Variants in PARD3 observed in about 807,000 individuals in gnomAD.
PARD3 encodes the protein par-3 family cell polarity regulator, also known as partitioning defective 3 homolog.
A neutral mutation model predicts 155.4 loss-of-function variants in PARD3; 75 were observed. The observed-to-expected ratio is 0.48, with a 90% CI of 0.40 to 0.58. PARD3 has a LOEUF of 0.58. PARD3 is among the 20% of genes least tolerant of loss of function. PARD3 has a pLI of 0.00. For synonymous variants in PARD3, 576 were observed against 610.5 expected (o/e 0.94, Z 0.83); for missense variants, 1,642 against 1,721.7 (o/e 0.95, Z 0.82).
chr10:34,303,459 A>G (rs1957253920), intron 20 of PARD3, among the ~76,000 whole-genome samples: 1 of 132,746 alleles, frequency 7.5e-6, no homozygotes, highest in African/African-American at 3.0e-5. Context: ...ACTGAGCTTA[A>G]GACCTCCATT....
At chr10:34,186,357 TAA>T (rs61694192) in intron 22 of PARD3, among the ~76,000 whole-genome samples, 65 of 125,734 alleles carry the variant, frequency 5.2e-4, no homozygotes, top group Admixed American at 6.6e-4. Context: ...GAGACCCTCT[TAA>T]AAAAAAAAAA....
intron 2 of PARD3, among the ~76,000 whole-genome samples, chr10:34,538,622 C>T (rs906522538): frequency 6.6e-6 from 1 of 152,094 alleles, no homozygotes; most frequent in African/African-American, 2.4e-5. Context: ...GCACACCAAC[C>T]GAGGGAGTGA....
In PARD3 at chr10:34,784,853, T is replaced by C. The variant is rs78250576; in HGVS notation, c.120+30023A>G. Among the ~76,000 whole-genome samples, 93 of 152,318 alleles carry C rather than the reference T, an allele frequency of 6.1e-4. 2 individuals are homozygous for C. The East Asian group carries it at 0.017, about 28-fold the overall frequency. On this transcript the variant is annotated intron_variant, in intron 1 of 24. Transcript: ENST00000374788. The stretch of plus-strand genomic sequence containing the variant: ...TCACACTGTCAAGCGGAAACATCAC[T>C]GTTCATCAGCGCAAAACCTCCCTGC...
At chr10:34,236,368 C>T (rs142501684) in intron 22 of PARD3, among the ~76,000 whole-genome samples, 45 of 152,180 alleles carry the variant, frequency 3.0e-4, no homozygotes, top group African/African-American at 8.9e-4. Context: ...GCTGCCTGAC[C>T]GGGACTACTT....
intron 1 of PARD3, among the ~76,000 whole-genome samples, chr10:34,729,489 C>G (rs2094778343): frequency 6.6e-6 from 1 of 150,844 alleles, no homozygotes; most frequent in African/African-American, 2.4e-5. Flanking sequence ...CAACATCACA[C>G]CACTGCACTC....
At chr10:34,205,871 T>TC (rs1011060342) in intron 22 of PARD3, among the ~76,000 whole-genome samples, 1 of 152,024 alleles carries the variant, frequency 6.6e-6, no homozygotes, top group African/African-American at 2.4e-5. Flanking sequence ...CCGGATACAG[T>TC]CCCCCCATCC....
chr10:34,134,270 AT>A (rs2132803671), intron 22 of PARD3, among the ~76,000 whole-genome samples: 1 of 152,292 alleles, frequency 6.6e-6, no homozygotes, highest in African/African-American at 2.4e-5. Context: ...TCTCACTGTC[AT>A]TTTTCCACCT....
At chr10:34,563,532 AT>A (rs3041201) in intron 2 of PARD3, among the ~76,000 whole-genome samples, 56,053 of 144,148 alleles carry the variant, frequency 0.39, 11,383 homozygotes, top group African/African-American at 0.54. Context: ...ACGCCTGCTA[AT>A]TTTTTTTTTT....
rs562661133 is a variant in PARD3 at position 34,555,809 on chromosome 10, A to G, written c.223-38650T>C. Among the ~76,000 whole-genome samples the G allele has an allele frequency of 2.7e-4, 41 of 152,242 alleles. 1 individual carries two copies. The highest frequency in any genetic ancestry group is 9.4e-4 in the African/African-American group (39 of 41,546). ...AAAGGAGTGAGCCCTGGGGAGGCAG[A>G]GGTGTCCTGGATGACTCCACCCTAT... On this transcript the variant is annotated intron_variant, in intron 2 of 24. Coordinates refer to ENST00000374788, the MANE Select transcript of PARD3 (RefSeq NM_001184785.2).
chr10:34,166,756 C>A (rs1484945368), intron 22 of PARD3, among the ~76,000 whole-genome samples: 1 of 152,156 alleles, frequency 6.6e-6, no homozygotes, highest in African/African-American at 2.4e-5. Context: ...ACAACACACA[C>A]AATAGCCAAC....
chr10:34,232,229 T>A (rs944689914), intron 22 of PARD3, among the ~76,000 whole-genome samples: 3 of 152,106 alleles, frequency 2.0e-5, no homozygotes, highest in Non-Finnish European at 2.9e-5. Flanking sequence ...GGGGGACTGA[T>A]AAAACTCACA....
intron 3 of PARD3, among the ~76,000 whole-genome samples, chr10:34,482,608 G>A (rs2079156081): frequency 6.7e-6 from 1 of 150,264 alleles, no homozygotes; most frequent in African/African-American, 2.5e-5. Flanking sequence ...GAGAAGCCCA[G>A]ATGAAAATAA....
intron 1 of PARD3, among the ~76,000 whole-genome samples, chr10:34,715,732 G>A (rs958398298): frequency 2.6e-5 from 4 of 152,114 alleles, no homozygotes; most frequent in African/African-American, 7.2e-5. Context: ...AAATATTCAC[G>A]AAGCATCTAC....
At position 34,213,350 on chromosome 10, in the gene PARD3, G is replaced by T. The variant is rs57104923; in HGVS notation, c.3419+56307C>A. On this transcript the variant is annotated intron_variant, in intron 22 of 24. Transcript: ENST00000374788. Reference sequence around the variant, plus strand: ...CCAGAGCAAGAACTCACCCCTATGGGAGGGCATTAATCTATTCATGAGGAT... The same window carrying T: ...CCAGAGCAAGAACTCACCCCTATGGTAGGGCATTAATCTATTCATGAGGAT... 9.0e-3 allele frequency among the ~76,000 whole-genome samples: 1,366 copies of T among 152,240 alleles called. 22 individuals are homozygous for T. Among genetic ancestry groups the T allele is most frequent in the African/African-American group, 0.031 (1,290 of 41,544 alleles).
intron 20 of PARD3, among the ~76,000 whole-genome samples, chr10:34,289,150 T>C (rs1048277441): frequency 6.6e-6 from 1 of 152,012 alleles, no homozygotes; most frequent in Non-Finnish European, 1.5e-5. Context: ...TTTTTGTTGG[T>C]AGAGATGCGG....
intron 1 of PARD3, among the ~76,000 whole-genome samples, chr10:34,786,809 T>TA (rs1564619038): frequency 6.6e-6 from 1 of 152,184 alleles, no homozygotes; most frequent in Non-Finnish European, 1.5e-5. Context: ...ATCCTACATA[T>TA]ATTTCTTTTC....
chr10:34,490,867 G>A (rs144600623), intron 3 of PARD3, among the ~76,000 whole-genome samples: 300 of 152,244 alleles, frequency 2.0e-3, no homozygotes, highest in African/African-American at 6.6e-3. Flanking sequence ...TAAAATGCTG[G>A]TTCCAGGATC....
intron 2 of PARD3, among the ~76,000 whole-genome samples, chr10:34,637,137 T>A (rs1411457064): frequency 1.3e-5 from 2 of 152,194 alleles, no homozygotes. Context: ...TTTCCAGAAA[T>A]CAATAAGTAA....
intron 1 of PARD3, among the ~76,000 whole-genome samples, chr10:34,794,968 T>G (rs1208269194): frequency 2.6e-5 from 4 of 152,060 alleles, no homozygotes; most frequent in Non-Finnish European, 5.9e-5. Context: ...ACAAGTGGAG[T>G]CTGCATGCCC....
Sources: allele counts gnomAD v4.1 joint callset (sites outside exome capture counted in the v4.1 genomes callset), GRCh38; gene constraint gnomAD v4.1.1; transcripts MANE v1.5; gene names NCBI Gene and HGNC (gene_info 2026-07-23, HGNC 2026-07-21).